The following CSMD1 variants were observed in gnomAD, a reference collection of about 807,000 sequenced individuals.
The protein encoded by CSMD1 is CUB and Sushi multiple domains 1, also known as CUB and sushi domain-containing protein 1.
CSMD1 carries 213 observed loss-of-function variants against 417.5 expected under a neutral mutation model. The ratio of observed to expected loss-of-function variants is 0.51; its 90% CI spans 0.46 to 0.57. CSMD1 has a LOEUF of 0.57. CSMD1 is among the 20% of genes least tolerant of loss of function. The pLI is 0.00. For synonymous variants in CSMD1, 2,862 were observed against 1,736.8 expected, an observed-to-expected ratio of 1.65 and a Z score of -16.11; for missense variants, 6,923 against 4,529.7, an observed-to-expected ratio of 1.53 and a Z score of -15.17.
intron 5 of CSMD1, among the ~76,000 whole-genome samples, chr8:3,880,149 G>A (rs928035204): frequency 2.6e-5 from 4 of 151,886 alleles, no homozygotes; most frequent in African/African-American, 7.3e-5. Flanking sequence ...TAGTACCTTC[G>A]ACCATGGTAC....
intron 2 of CSMD1, among the ~76,000 whole-genome samples, chr8:4,452,135 C>A (rs2129833954): frequency 6.6e-6 from 1 of 152,154 alleles, no homozygotes; most frequent in Middle Eastern, 3.4e-3. Flanking sequence ...GTACAAACAC[C>A]AGCTTTCATT....
At chr8:3,861,229 T>C (rs2129105823) in intron 5 of CSMD1, among the ~76,000 whole-genome samples, 1 of 152,332 alleles carries the variant, frequency 6.6e-6, no homozygotes, top group East Asian at 1.9e-4. Context: ...TGCAGTCGCC[T>C]GTGGGTTTCT....
intron 3 of CSMD1, among the ~76,000 whole-genome samples, chr8:4,149,174 G>C (rs188165979): frequency 2.4e-4 from 37 of 152,152 alleles, no homozygotes; most frequent in Admixed American, 1.2e-3. Flanking sequence ...ATGTTGGCTA[G>C]GCTGGTCTCG....
At chr8:4,165,807 G>C (rs140330592) in intron 3 of CSMD1, among the ~76,000 whole-genome samples, 178 of 152,324 alleles carry the variant, frequency 1.2e-3, no homozygotes, top group African/African-American at 4.2e-3. Context: ...GCCGCATTAT[G>C]TCACTCTTAC....
At chr8:3,827,269 T>A (rs571929169) in intron 5 of CSMD1, among the ~76,000 whole-genome samples, 1 of 152,194 alleles carries the variant, frequency 6.6e-6, no homozygotes, top group African/African-American at 2.4e-5. Flanking sequence ...CACATATCCT[T>A]GCAATGTTAC....
At chr8:3,853,142 C>T (rs370325393) in intron 5 of CSMD1, among the ~76,000 whole-genome samples, 107 of 152,236 alleles carry the variant, frequency 7.0e-4, no homozygotes, top group African/African-American at 2.5e-3. Flanking sequence ...TGGCTGAGCC[C>T]GCGTCCCTTG....
At chr8:3,376,335 G>T (rs1382519253) in intron 18 of CSMD1, among the ~76,000 whole-genome samples, 1 of 151,996 alleles carries the variant, frequency 6.6e-6, no homozygotes, top group African/African-American at 2.4e-5. Flanking sequence ...CAACAAATTT[G>T]TCTGAAAACA....
At chr8:4,481,708 C>A (rs1801109203) in intron 2 of CSMD1, among the ~76,000 whole-genome samples, 1 of 152,110 alleles carries the variant, frequency 6.6e-6, no homozygotes, top group South Asian at 2.1e-4. Flanking sequence ...TTGGTTTGTT[C>A]CATATATTAG....
At chr8:4,434,477 C>T (rs893061837) in intron 2 of CSMD1, among the ~76,000 whole-genome samples, 1 of 152,152 alleles carries the variant, frequency 6.6e-6, no homozygotes, top group African/African-American at 2.4e-5. Flanking sequence ...CACACTCTAA[C>T]AGAAGGAAAG....
intron 1 of CSMD1, among the ~76,000 whole-genome samples, chr8:4,670,564 TATAAAA>T (rs1219117065): frequency 2.0e-5 from 3 of 152,200 alleles, no homozygotes; most frequent in African/African-American, 7.2e-5. Context: ...TTACCCTTAA[TATAAAA>T]ATAAAGCACA....
intron 2 of CSMD1, among the ~76,000 whole-genome samples, chr8:4,472,500 G>A (rs1800592338): frequency 6.6e-6 from 1 of 152,122 alleles, no homozygotes; most frequent in East Asian, 1.9e-4. Context: ...CCTTATTTAT[G>A]CTTTGTAAAA....
At chr8:4,010,512 A>G (rs1382606055) in intron 4 of CSMD1, among the ~76,000 whole-genome samples, 1 of 152,080 alleles carries the variant, frequency 6.6e-6, no homozygotes, top group Non-Finnish European at 1.5e-5. Context: ...TACCTCAGCC[A>G]TGCCATCACC....
intron 9 of CSMD1, among the ~76,000 whole-genome samples, chr8:3,578,332 T>C (rs1020898804): frequency 6.6e-6 from 1 of 152,076 alleles, no homozygotes; most frequent in African/African-American, 2.4e-5. Flanking sequence ...TCAGGGAGCT[T>C]TGGTGATGAT....
intron 2 of CSMD1, among the ~76,000 whole-genome samples, chr8:4,486,501 G>C (rs1008916944): frequency 1.3e-5 from 2 of 151,426 alleles, no homozygotes; most frequent in Admixed American, 6.6e-5. Flanking sequence ...TTAAAAATTA[G>C]TGATGTTTAT....
chr8:3,384,692 TATATAAATTATATATAA>T (rs1421802962), intron 18 of CSMD1, among the ~76,000 whole-genome samples: 1 of 118,318 alleles, frequency 8.5e-6, no homozygotes, highest in Admixed American at 1.2e-4. Context: ...AATATATATT[TATATAAATTATATATAA>T]ATATATTTAT....
At chr8:4,954,280 T>A (rs12676984) in intron 1 of CSMD1, among the ~76,000 whole-genome samples, 20 of 152,118 alleles carry the variant, frequency 1.3e-4, no homozygotes, top group African/African-American at 4.8e-4. Context: ...TGATAAGTGT[T>A]ACAACAGAGG....
intron 2 of CSMD1, among the ~76,000 whole-genome samples, chr8:4,484,708 G>T (rs889179858): frequency 6.6e-6 from 1 of 152,108 alleles, no homozygotes; most frequent in Admixed American, 6.5e-5. Context: ...GATGGCTCAC[G>T]CCTGTAATCT....
chr8:3,683,204 A>G (rs1261779819), intron 7 of CSMD1, among the ~76,000 whole-genome samples: 1 of 151,712 alleles, frequency 6.6e-6, no homozygotes, highest in East Asian at 1.9e-4. Context: ...AAATATACAT[A>G]TAAATATATA....
chr8:4,841,677 G>A (rs1471972622), intron 1 of CSMD1, among the ~76,000 whole-genome samples: 1 of 152,110 alleles, frequency 6.6e-6, no homozygotes, highest in African/African-American at 2.4e-5. Context: ...TTGGGAGGCT[G>A]AGGCAGGCGG....
Sources: gnomAD v4.1 joint callset for allele counts (sites outside exome capture counted in the v4.1 genomes callset) on GRCh38, gnomAD v4.1.1 for gene constraint, MANE v1.5 for transcripts, NCBI Gene and HGNC (gene_info 2026-07-23, HGNC 2026-07-21) for gene names.